DAPK3: variants seen among roughly 807,000 people sequenced by gnomAD.
The protein encoded by DAPK3 is death-associated protein kinase 3.
DAPK3 carries 24 observed loss-of-function variants against 30.6 expected under a neutral mutation model. That is an observed-to-expected ratio of 0.78 (90% CI 0.57 to 1.10). DAPK3 has a LOEUF of 1.10. DAPK3 is among the 50% of genes least tolerant of loss of function. DAPK3 has a pLI of 0.00. For missense variants in DAPK3, 629 were observed against 657.3 expected (o/e 0.96, Z 0.47); for synonymous variants, 341 against 284.0 (o/e 1.20, Z -2.02).
intron 8 of DAPK3, 26 bp downstream of exon 8, chr19:3,960,032 AG>A: frequency 1.5e-6 from 2 of 1,319,210 alleles, no homozygotes; most frequent in South Asian, 1.2e-5. Context: ...CGGGAAGCCC[AG>A]GGAGCTCCCC....
At chr19:3,964,031 G>A in intron 4 of DAPK3, 112 bp from the exon 5 acceptor site, 1 of 837,640 alleles carries the variant, frequency 1.2e-6, no homozygotes. Context: ...TTGGGGGCAT[G>A]AATGCGGCAG....
chr19:3,960,818 A>C (rs980057811), intron 7 of DAPK3, among the ~76,000 whole-genome samples, 191 bp downstream of exon 7: 1 of 151,060 alleles, frequency 6.6e-6, no homozygotes, highest in African/African-American at 2.4e-5. Context: ...AAAAAAAAAA[A>C]AAAAAACCAT....
At chr19:3,959,706 G>A in intron 8 of DAPK3, 69 bp from the exon 9 acceptor site, 1 of 1,458,986 alleles carries the variant, frequency 6.9e-7, no homozygotes, top group East Asian at 2.4e-5. Flanking sequence ...CCACCTGCCA[G>A]TGTGAACTGA....
intron 2 of DAPK3, among the ~76,000 whole-genome samples, chr19:3,965,205 C>T (rs1280944885): frequency 6.6e-6 from 1 of 152,224 alleles, no homozygotes; most frequent in African/African-American, 2.4e-5. Flanking sequence ...GCGTTCCCAC[C>T]CCTCCCAGGG....
At chr19:3,962,370 C>T (rs1028917629) in intron 6 of DAPK3, among the ~76,000 whole-genome samples, 3 of 152,256 alleles carry the variant, frequency 2.0e-5, no homozygotes, top group South Asian at 2.1e-4. Flanking sequence ...TCCGCTCACG[C>T]ACTACAGCGG....
At chr19:3,959,872 T>A in intron 8 of DAPK3, 187 bp downstream of exon 8, 1 of 639,516 alleles carries the variant, frequency 1.6e-6, no homozygotes, top group Non-Finnish European at 2.7e-6. Context: ...TGCCACCAGG[T>A]CTGTCGGGTG....
chr19:3,970,024 A>G (rs2039618046), intron 1 of DAPK3, 195 bp from the exon 2 acceptor site: 1 of 426,640 alleles, frequency 2.3e-6, no homozygotes, highest in South Asian at 4.6e-5. Flanking sequence ...TAACCACTCA[A>G]AAGTTTGGTA....
Position 3,961,175 on chromosome 19 carries a change from G to C in DAPK3, c.630-14C>G. On this transcript the variant is annotated splice_polypyrimidine_tract_variant and intron_variant, in intron 6 of 8. Coordinates refer to ENST00000545797, the MANE Select transcript of DAPK3 (RefSeq NM_001348.3). ...GCACCGCTCAGGCTGCGAGACAGGCGTGGGGGCTCAGTGGGGTCCTGGGCT... is the reference window on the plus strand; with the variant it reads ...GCACCGCTCAGGCTGCGAGACAGGCCTGGGGGCTCAGTGGGGTCCTGGGCT... The C allele has an allele frequency of 1.2e-6, 2 of 1,607,108 alleles. No homozygotes were observed. Among genetic ancestry groups the C allele is most frequent in the Non-Finnish European group, 1.7e-6 (2 of 1,176,990 alleles).
Position 3,964,303 on chromosome 19 carries a change from G to A in DAPK3, c.494C>T (p.Ala165Val), listed in dbSNP as rs200205146. Reference protein sequence around the residue: ...PRIKLIDFGIAHKIEAGNEFK... With the variant: ...PRIKLIDFGIVHKIEAGNEFK... The stretch of plus-strand genomic sequence containing the variant: ...CTCGTTCCCCGCCTCGATCTTGTGC[G>A]CGATGCCGAAGTCGATGAGCTTGAT... Residue 165 changes from alanine (A) to valine (V), a missense_variant, in exon 4 of 9, where the codon GCG (alanine) becomes GTG (valine). Around this residue, in one of 2 missense-constraint regions of DAPK3, gnomAD observed 306 missense variants for 378.5 expected, o/e 0.81. Coordinates refer to ENST00000545797, the MANE Select transcript of DAPK3 (RefSeq NM_001348.3). 3.1e-6 allele frequency: 5 copies of A among 1,613,342 alleles called. No homozygotes were observed. Among genetic ancestry groups the A allele is most frequent in the Non-Finnish European group, 4.2e-6 (5 of 1,179,296 alleles).
rs776158433 is a variant in DAPK3 at position 3,965,022 on chromosome 19, G to A, written c.63-31C>T. On this transcript the variant is annotated intron_variant, in intron 2 of 8. Coordinates refer to ENST00000545797, the MANE Select transcript of DAPK3 (RefSeq NM_001348.3). ...GGAGGGGGAGGGAGTGAGTGGGGGT[G>A]GAGGAGGCGGAGGGAGTAAGTGGGG... 4.8e-6 allele frequency: 6 copies of A among 1,250,716 alleles called. No individual in the cohort carries two copies. The South Asian group carries it at 7.5e-5, about 16-fold the overall frequency. 77.5% of individuals were successfully genotyped at this position (1,250,716 alleles called of 1,614,324 possible).
At chr19:3,969,210 A>G (rs2039610136) in intron 2 of DAPK3, among the ~76,000 whole-genome samples, 3 of 152,008 alleles carry the variant, frequency 2.0e-5, no homozygotes, top group Non-Finnish European at 4.4e-5. Flanking sequence ...ATCATAGCTC[A>G]CTGCAGCCTC....
rs369395432 is a variant in DAPK3 at position 3,964,737 on chromosome 19, G to A, written c.317C>T (p.Ala106Val). ...GTCCTCCGTCAGCGACTCCTTCTCC[G>A]CCAGGAAGTCAAAGAGCTCCCCGCC... ...VSGGELFDFLAEKESLTEDEA... is the reference protein window; with the variant it reads ...VSGGELFDFLVEKESLTEDEA... The change falls in exon 3 of 9, where the codon GCG becomes GTG. Residue 106 changes from alanine (A) to valine (V), a missense_variant. Coordinates refer to ENST00000545797, the MANE Select transcript of DAPK3 (RefSeq NM_001348.3). 15 of 1,612,268 alleles carry A rather than the reference G, an allele frequency of 9.3e-6. No homozygotes were observed. The highest frequency in any genetic ancestry group is 4.0e-5 in the African/African-American group (3 of 74,568).
rs541371212 is a variant in DAPK3 at position 3,961,359 on chromosome 19, C to A, written c.630-198G>T. The A allele has an allele frequency of 5.8e-5, 42 of 726,120 alleles. 2 individuals are homozygous for A. The highest frequency in any genetic ancestry group is 3.0e-4 in the East Asian group (11 of 37,274). The allele number at this position is 726,120 out of a possible 1,614,324, so 45.0% of individuals were successfully genotyped here. On this transcript the variant is annotated intron_variant, in intron 6 of 8. Transcript: ENST00000545797. The stretch of plus-strand genomic sequence containing the variant: ...AAGAGGCATTCAAAATCCACCCCCC[C>A]ACCCCGCCACTGACAGCAGCAGAAA...
intron 6 of DAPK3, among the ~76,000 whole-genome samples, chr19:3,963,260 G>A (rs1037616757): frequency 2.6e-5 from 4 of 152,102 alleles, no homozygotes; most frequent in South Asian, 2.1e-4. Context: ...GTAAGACCCC[G>A]TCTCAACAAA....
chr19:3,969,759 G>C lies in DAPK3; in HGVS notation c.-24C>G, dbSNP rs1477473192. ...ATGGCGGCCGGTCCGCCTTCCAGCAGCTTCCACTCCAGGGAAAGTGCAGTC... is the reference window on the plus strand; with the variant it reads ...ATGGCGGCCGGTCCGCCTTCCAGCACCTTCCACTCCAGGGAAAGTGCAGTC... On this transcript the variant is annotated 5_prime_UTR_variant, in exon 2 of 9. Coordinates refer to ENST00000545797, the MANE Select transcript of DAPK3 (RefSeq NM_001348.3). 3.1e-6 allele frequency: 5 copies of C among 1,593,892 alleles called. No individual in the cohort carries two copies. The African/African-American group carries it at 6.7e-5, about 21-fold the overall frequency.
chr19:3,969,288 G>A (rs2039611065), intron 2 of DAPK3, among the ~76,000 whole-genome samples: 1 of 152,196 alleles, frequency 6.6e-6, no homozygotes, highest in African/African-American at 2.4e-5. Context: ...ACAGGCATGA[G>A]CTACCACACC....
At position 3,964,624 on chromosome 19, in the gene DAPK3, G is replaced by C. The variant is rs1159384485; in HGVS notation, c.423+7C>G. 3 of 1,597,104 alleles carry C rather than the reference G, an allele frequency of 1.9e-6. No individual in the cohort carries two copies. Among genetic ancestry groups the C allele is most frequent in the Admixed American group, 1.7e-5 (1 of 59,356 alleles). On this transcript the variant is annotated splice_region_variant and intron_variant, in intron 3 of 8. Coordinates refer to ENST00000545797, the MANE Select transcript of DAPK3 (RefSeq NM_001348.3). ...AGGCCGGCCCCACAGGGCCCTACAGGGCTCACCTTCAGGTCAAAGTGTGCG... is the reference window on the plus strand; with the variant it reads ...AGGCCGGCCCCACAGGGCCCTACAGCGCTCACCTTCAGGTCAAAGTGTGCG...
Position 3,964,649 on chromosome 19 carries a change from G to C in DAPK3, c.405C>G (p.Ile135Met). The change falls in exon 3 of 9, where the codon ATC becomes ATG. Residue 135 changes from isoleucine (I) to methionine (M), a missense_variant. Ile to Met is a conservative substitution (Grantham distance 10). Transcript: ENST00000545797. ...DGVHYLHSKR[I>M]AHFDLKPENI... Reference sequence around the variant, plus strand: ...GGCTCACCTTCAGGTCAAAGTGTGCGATGCGCTTAGAGTGCAGGTAGTGAA... The same window carrying C: ...GGCTCACCTTCAGGTCAAAGTGTGCCATGCGCTTAGAGTGCAGGTAGTGAA... The C allele has an allele frequency of 4.3e-6, 7 of 1,610,334 alleles. No homozygotes were observed. The highest frequency in any genetic ancestry group is 4.2e-6 in the Non-Finnish European group (5 of 1,178,870).
chr19:3,959,792 GCT>G (rs1568189815), intron 8 of DAPK3, 155 bp from the exon 9 acceptor site: 7 of 901,028 alleles, frequency 7.8e-6, no homozygotes, highest in African/African-American at 5.1e-5. Context: ...AGCCGAGAGT[GCT>G]CTCTCGAGAA....
Sources: gnomAD v4.1 joint callset for allele counts (sites outside exome capture counted in the v4.1 genomes callset) on GRCh38, gnomAD v4.1.1 for gene constraint, gnomAD v4.1.1 regional missense constraint, MANE v1.5 for transcripts, NCBI Gene and HGNC (gene_info 2026-07-23, HGNC 2026-07-21) for gene names.